SUSD6: variants seen among roughly 807,000 people sequenced by gnomAD.
The protein encoded by SUSD6 is sushi domain-containing protein 6.
SUSD6 carries 16 observed loss-of-function variants against 28.4 expected under a neutral mutation model. The ratio of observed to expected loss-of-function variants is 0.56; its 90% confidence interval spans 0.38 to 0.86. The LOEUF is 0.86. Among genes scored for constraint, SUSD6 ranks in the 40% least tolerant of loss-of-function variants. SUSD6 has a pLI of 0.00. For synonymous variants in SUSD6, 147 were observed against 159.6 expected (o/e 0.92, Z 0.59); for missense variants, 341 against 384.2 (o/e 0.89, Z 0.94).
intron 1 of SUSD6, among the ~76,000 whole-genome samples, chr14:69,624,899 A>G (rs1885093385): frequency 6.6e-6 from 1 of 152,230 alleles, no homozygotes; most frequent in African/African-American, 2.4e-5. Flanking sequence ...TTAACTTCTT[A>G]AACTTGCTTT....
intron 2 of SUSD6, among the ~76,000 whole-genome samples, chr14:69,692,344 G>C (rs1049587372): frequency 3.9e-5 from 6 of 152,084 alleles, no homozygotes; most frequent in Non-Finnish European, 8.8e-5. Flanking sequence ...GTAGGTCTTG[G>C]GGTAAATTTT....
At chr14:69,650,649 C>T (rs58503693) in intron 1 of SUSD6, among the ~76,000 whole-genome samples, 4,691 of 152,246 alleles carry the variant, frequency 0.031, 241 homozygotes, top group African/African-American at 0.11. Flanking sequence ...CCTCCCCCCT[C>T]TTTTTCTGTC....
intron 1 of SUSD6, among the ~76,000 whole-genome samples, chr14:69,619,650 A>G (rs780634138): frequency 2.8e-4 from 43 of 152,030 alleles, no homozygotes; most frequent in Non-Finnish European, 5.7e-4. Context: ...ACACACCTGT[A>G]GTCCCAGCTA....
intron 1 of SUSD6, among the ~76,000 whole-genome samples, chr14:69,624,460 T>C (rs1238615117): frequency 6.6e-6 from 1 of 152,046 alleles, no homozygotes; most frequent in Non-Finnish European, 1.5e-5. Context: ...GTTGTTTTTT[T>C]TTTTTTTTTG....
At chr14:69,622,897 C>T (rs1314701511) in intron 1 of SUSD6, among the ~76,000 whole-genome samples, 1 of 152,198 alleles carries the variant, frequency 6.6e-6, no homozygotes, top group Non-Finnish European at 1.5e-5. Flanking sequence ...TCCGGCCAAA[C>T]TGCTTTCATG....
At chr14:69,705,204 G>A (rs968777392) in intron 4 of SUSD6, among the ~76,000 whole-genome samples, 1 of 151,788 alleles carries the variant, frequency 6.6e-6, no homozygotes, top group African/African-American at 2.4e-5. Flanking sequence ...TGTAGTCCCA[G>A]CTACTCTGGA....
chr14:69,672,883 G>A (rs903853074), intron 2 of SUSD6, among the ~76,000 whole-genome samples: 1 of 152,236 alleles, frequency 6.6e-6, no homozygotes, highest in African/African-American at 2.4e-5. Flanking sequence ...CCTAGAGCTG[G>A]CATGAAAAGG....
intron 3 of SUSD6, chr14:69,703,851 C>T: frequency 1.8e-6 from 1 of 543,548 alleles, no homozygotes; most frequent in Admixed American, 3.2e-5. Context: ...CTCTTGTTTG[C>T]ATGGCCAAGT....
rs1886498866 is a variant in SUSD6 at position 69,713,479 on chromosome 14, GCTT to G, written c.*2505_*2507del. 6.6e-6 allele frequency: 1 copy of G among 152,470 alleles called. No individual in the cohort carries two copies. The highest frequency in any genetic ancestry group is 2.4e-5 in the African/African-American group (1 of 41,588). The allele number at this position is 152,470 out of a possible 1,614,324, so 9.4% of individuals were successfully genotyped here. A position where few individuals can be genotyped will look rare whatever the true frequency, so the allele number is the denominator to read the frequency against. ...CCCCTCACTGCTGAAGTCTGTGACA[GCTT>G]CTTCCTCCAGTTATGTCTTTCTTCC... is the stretch of plus-strand genomic sequence containing the variant. On this transcript the variant is annotated 3_prime_UTR_variant, in exon 6 of 6. Coordinates refer to ENST00000342745, the MANE Select transcript of SUSD6 (RefSeq NM_014734.4).
chr14:69,676,454 A>C (rs529340223), intron 2 of SUSD6, among the ~76,000 whole-genome samples: 2 of 150,852 alleles, frequency 1.3e-5, no homozygotes, highest in East Asian at 3.9e-4. Context: ...ATCACGGCTC[A>C]TTGCAGCCTC....
intron 2 of SUSD6, among the ~76,000 whole-genome samples, chr14:69,672,094 C>T (rs1342562963): frequency 6.6e-6 from 1 of 152,194 alleles, no homozygotes; most frequent in Admixed American, 6.5e-5. Context: ...ACTTCGTTAA[C>T]ACTAACTGGT....
Position 69,704,594 on chromosome 14 carries a change from G to A in SUSD6, c.320-10G>A, listed in dbSNP as rs770587622. ...TACAAAACCCTTCTGATGATGGCTT[G>A]TTTTTATAGATAAAGACACCCACAC... On this transcript the variant is annotated splice_polypyrimidine_tract_variant and intron_variant, in intron 3 of 5. Coordinates refer to ENST00000342745, the MANE Select transcript of SUSD6 (RefSeq NM_014734.4). 7 of 1,609,044 alleles carry A rather than the reference G, an allele frequency of 4.4e-6. No homozygotes were observed. The highest frequency in any genetic ancestry group is 2.7e-5 in the African/African-American group (2 of 74,572).
chr14:69,694,124 A>G (rs1036511394), intron 2 of SUSD6, among the ~76,000 whole-genome samples: 1 of 152,204 alleles, frequency 6.6e-6, no homozygotes, highest in African/African-American at 2.4e-5. Flanking sequence ...TCTCTGCCCT[A>G]TGGCTTAGAT....
chr14:69,647,752 A>G (rs1885448965), intron 1 of SUSD6, among the ~76,000 whole-genome samples: 1 of 152,196 alleles, frequency 6.6e-6, no homozygotes, highest in Admixed American at 6.5e-5. Context: ...CGGGAGGCCA[A>G]GGCAGGCAGA....
rs555397362 is a variant in SUSD6, at chr14:69,630,276, C to G, written c.-81+18448C>G. On this transcript the variant is annotated intron_variant, in intron 1 of 5. Transcript: ENST00000342745. ...GTCTGAACGTTTGGCCAAACACTGG[C>G]CACTGTAAAGATCTTGTGGAAGTCA... 7.9e-5 allele frequency among the ~76,000 whole-genome samples: 12 copies of G among 152,274 alleles called. No homozygotes were observed. In the South Asian group the frequency reaches 2.5e-3, roughly 32 times the overall value.
At chr14:69,617,867 G>C (rs1353712574) in intron 1 of SUSD6, among the ~76,000 whole-genome samples, 1 of 152,180 alleles carries the variant, frequency 6.6e-6, no homozygotes, top group Non-Finnish European at 1.5e-5. Flanking sequence ...AGGAGGGAGA[G>C]GGTCTGTGAG....
chr14:69,633,308 A>T (rs1239975150), intron 1 of SUSD6, among the ~76,000 whole-genome samples: 2 of 152,350 alleles, frequency 1.3e-5, no homozygotes, highest in African/African-American at 2.4e-5. Flanking sequence ...CTGCTATGTG[A>T]CAGATGCTAA....
intron 2 of SUSD6, among the ~76,000 whole-genome samples, chr14:69,681,125 A>G (rs1359794956): frequency 6.6e-6 from 1 of 152,186 alleles, no homozygotes. Context: ...TCCTTCAGGG[A>G]GGGAATGCAC....
chr14:69,684,329 G>C (rs1296490193), intron 2 of SUSD6, among the ~76,000 whole-genome samples: 3 of 152,186 alleles, frequency 2.0e-5, no homozygotes, highest in African/African-American at 4.8e-5. Context: ...TAAGAAATCT[G>C]ATATGTAAAA....
Sources: gnomAD v4.1 joint callset for allele counts (sites outside exome capture counted in the v4.1 genomes callset) on GRCh38, gnomAD v4.1.1 for gene constraint, MANE v1.5 for transcripts, NCBI Gene and HGNC (gene_info 2026-07-23, HGNC 2026-07-21) for gene names.